ZDHHC6: variants seen among roughly 807,000 people sequenced by gnomAD.
ZDHHC6 encodes palmitoyltransferase ZDHHC6.
Under a neutral mutation model 57.8 loss-of-function variants are expected in ZDHHC6, and 32 were observed. The observed-to-expected ratio is 0.55, with a 90% CI of 0.42 to 0.74. The LOEUF (loss-of-function observed/expected upper bound fraction) is 0.74. Ranked by LOEUF, ZDHHC6 falls within the 30% of genes least tolerant of loss-of-function variation. ZDHHC6 has a pLI of 0.00. For synonymous variants in ZDHHC6, 128 were observed against 158.0 expected (o/e 0.81, Z 1.42); for missense variants, 433 against 500.7 (o/e 0.86, Z 1.29).
In ZDHHC6 at chr10:112,440,659, T is replaced by G; in HGVS notation, c.556A>C (p.Ser186Arg). 6.2e-7 allele frequency: 1 copy of G among 1,613,612 alleles called. No individual in the cohort carries two copies. Among genetic ancestry groups the G allele is most frequent in the Non-Finnish European group, 8.5e-7 (1 of 1,179,754 alleles). ...FGWNTVKIDM[S>R]AARRDPLPIV... ...GGAAGAGGATCTCTCCGGGCTGCAC[T>G]CATGTCGATCTTCACTGTGTTCCAC... Residue 186 changes from serine to arginine, a missense_variant, in exon 5 of 11, where the codon AGT (serine) becomes CGT (arginine). By Grantham distance (110) the Ser-to-Arg change is moderately radical (BLOSUM62 -1). Coordinates refer to ENST00000369405, the MANE Select transcript of ZDHHC6 (RefSeq NM_022494.3).
chr10:112,429,227 C>CT (rs1308388699), downstream of ZDHHC6, among the ~76,000 whole-genome samples: 1 of 152,224 alleles, frequency 6.6e-6, no homozygotes, highest in East Asian at 1.9e-4. Flanking sequence ...CCCATTATCA[C>CT]TTTAACTTTC....
chr10:112,447,561 C>G (rs1029016483), upstream of ZDHHC6: 1 of 1,416,720 alleles, frequency 7.1e-7, no homozygotes. Context: ...CTATGAGGCG[C>G]GAGGCTGGAG....
In ZDHHC6 at chr10:112,434,360, C is replaced by T. The variant is rs1589725738; in HGVS notation, c.840G>A (p.Gly280=). Residue 280 remains glycine, a synonymous_variant, in exon 7 of 11, where the codon GGG becomes GGA. Coordinates refer to ENST00000369405, the MANE Select transcript of ZDHHC6 (RefSeq NM_022494.3). The stretch of plus-strand genomic sequence containing the variant: ...ACTCAAGTCCATCTCCTTCAGGGAC[C>T]CCTGACCACGTAAATACCTGTTTAA... ...RNFKQVFTWS[G]VPEGDGLEWP... is the part of the protein sequence containing the mutation. 6.2e-7 allele frequency: 1 copy of T among 1,613,834 alleles called. No individual in the cohort carries two copies. Among genetic ancestry groups the T allele is most frequent in the Admixed American group, 1.7e-5 (1 of 59,998 alleles).
chr10:112,435,898 G>C (rs1405894427), intron 6 of ZDHHC6, among the ~76,000 whole-genome samples: 1 of 152,160 alleles, frequency 6.6e-6, no homozygotes, highest in African/African-American at 2.4e-5. Context: ...GTGTTAAAAG[G>C]TGATGAAGGG....
chr10:112,431,348 C>T (rs1302110129), intron 10 of ZDHHC6, among the ~76,000 whole-genome samples: 1 of 150,860 alleles, frequency 6.6e-6, no homozygotes, highest in East Asian at 1.9e-4. Flanking sequence ...GAGTCTTGCT[C>T]TGTCACCTAG....
At chr10:112,431,878 C>G (rs1021440222) in intron 10 of ZDHHC6, among the ~76,000 whole-genome samples, 2 of 152,180 alleles carry the variant, frequency 1.3e-5, no homozygotes, top group African/African-American at 4.8e-5. Flanking sequence ...CTAGCTCCAT[C>G]TGTTTTCAGT....
chr10:112,445,149 G>A (rs368824521), intron 2 of ZDHHC6, 21 bp downstream of exon 2: 1 of 1,603,816 alleles, frequency 6.2e-7, no homozygotes, highest in African/African-American at 1.3e-5. Context: ...AAAGTTCATT[G>A]TCTTACAGAA....
rs1846176735 is a variant in ZDHHC6 at position 112,442,173 on chromosome 10, C to T, written c.519+19G>A. 1.3e-6 allele frequency: 2 copies of T among 1,585,932 alleles called. No homozygotes were observed. The highest frequency in any genetic ancestry group is 1.4e-5 in the African/African-American group (1 of 73,816). ...TTGCATGGATGATTTTATAACAAAA[C>T]ATTTTCATTTTCACTTACCCGATGA... On this transcript the variant is annotated intron_variant, in intron 4 of 10. Transcript: ENST00000369405.
At position 112,433,399 on chromosome 10, in the gene ZDHHC6, G is replaced by A. The variant is rs1038372954; in HGVS notation, c.904-118C>T. On this transcript the variant is annotated intron_variant, in intron 7 of 10. Transcript: ENST00000369405. ...AAACCCCAATTTTCCAGCATTTCAA[G>A]TTGCTGATAATTTAAAGGCCACAGG... 2.7e-5 allele frequency: 21 copies of A among 782,886 alleles called. No individual in the cohort carries two copies. In the African/African-American group the frequency reaches 3.8e-4, roughly 14 times the overall value. The allele number at this position is 782,886 out of a possible 1,614,324, so 48.5% of individuals were successfully genotyped here.
In ZDHHC6 at chr10:112,440,524, AG is replaced by A; in HGVS notation, c.681+9del. On this transcript the variant is annotated intron_variant, in intron 5 of 10. Transcript: ENST00000369405. Reference sequence around the variant, plus strand: ...TGACACTTTTGACTTGAGGTAATTGAGATGCTTACCTGGATAAAAAACAACA... The same window carrying A: ...TGACACTTTTGACTTGAGGTAATTGAATGCTTACCTGGATAAAAAACAACA... 6.2e-7 allele frequency: 1 copy of A among 1,611,022 alleles called. No homozygotes were observed. Among genetic ancestry groups the A allele is most frequent in the East Asian group, 2.2e-5 (1 of 44,820 alleles).
intron 2 of ZDHHC6, 105 bp downstream of exon 2, chr10:112,445,065 G>A (rs1846513903): frequency 1.5e-6 from 2 of 1,317,590 alleles, no homozygotes; most frequent in Non-Finnish European, 2.1e-6. Flanking sequence ...TAGTCTCTGT[G>A]AGGACAAACA....
intron 5 of ZDHHC6, among the ~76,000 whole-genome samples, chr10:112,439,321 G>A (rs1207708835): frequency 6.6e-6 from 1 of 152,100 alleles, no homozygotes; most frequent in East Asian, 1.9e-4. Context: ...TGAATTACGT[G>A]AATGCAATAA....
At chr10:112,425,916 C>T (rs111935064), downstream of ZDHHC6, among the ~76,000 whole-genome samples, 1,427 of 152,274 alleles carry the variant, frequency 9.4e-3, 17 homozygotes, top group African/African-American at 0.033. Context: ...CTTTAAGGAA[C>T]TCCTTATCCC....
Position 112,445,324 on chromosome 10 carries a change from G to C in ZDHHC6, c.113C>G (p.Ala38Gly). ...ATACCACAACACAGAGTCAATCATG[G>C]CCATGGTAGAACATATTGCTATAAC... ...LGVIAICSTM[A>G]MIDSVLWYWP... The change falls in exon 2 of 11, where the codon GCC becomes GGC. Residue 38 changes from alanine to glycine, a missense_variant. Coordinates refer to ENST00000369405, the MANE Select transcript of ZDHHC6 (RefSeq NM_022494.3). 6.2e-7 allele frequency: 1 copy of C among 1,614,174 alleles called. No homozygotes were observed. The highest frequency in any genetic ancestry group is 8.5e-7 in the Non-Finnish European group (1 of 1,180,040).
At chr10:112,439,669 A>AAAAAAAAAAT (rs757796332) in intron 5 of ZDHHC6, among the ~76,000 whole-genome samples, 25 of 108,562 alleles carry the variant, frequency 2.3e-4, no homozygotes, top group Non-Finnish European at 3.1e-4. Context: ...AAAAAAAAAA[A>AAAAAAAAAAT]GAATGAAAAA....
At chr10:112,425,670 A>G (rs1564746256), downstream of ZDHHC6, 1 of 500,510 alleles carries the variant, frequency 2.0e-6, no homozygotes, top group East Asian at 3.4e-5. Flanking sequence ...TTTCAAAACT[A>G]TGATGGACGT....
intron 2 of ZDHHC6, among the ~76,000 whole-genome samples, chr10:112,444,345 A>G (rs759371752): frequency 5.1e-4 from 77 of 152,184 alleles, no homozygotes; most frequent in African/African-American, 1.7e-3. Flanking sequence ...CAGGTCCCCA[A>G]CTAACAATGC....
Position 112,445,877 on chromosome 10 carries a change from G to C in ZDHHC6, c.-214-227C>G, listed in dbSNP as rs533808693. On this transcript the variant is annotated intron_variant, in intron 1 of 10. Coordinates refer to ENST00000369405, the MANE Select transcript of ZDHHC6 (RefSeq NM_022494.3). ...AAACTGGATACACGATTCCAAAATA[G>C]TTTTTTTTATTCCTTCTCCGCTTGT... Among the ~76,000 whole-genome samples, 31 of 152,300 alleles carry C rather than the reference G, an allele frequency of 2.0e-4. No homozygotes were observed. In the South Asian group the frequency reaches 6.0e-3, roughly 29 times the overall value.
intron 5 of ZDHHC6, among the ~76,000 whole-genome samples, chr10:112,438,608 C>T (rs1845774273): frequency 6.6e-6 from 1 of 151,958 alleles, no homozygotes; most frequent in Non-Finnish European, 1.5e-5. Context: ...ACAATGATTA[C>T]ACCCATCCAT....
Sources: gnomAD v4.1 joint callset for allele counts (sites outside exome capture counted in the v4.1 genomes callset) on GRCh38, gnomAD v4.1.1 for gene constraint, MANE v1.5 for transcripts, NCBI Gene and HGNC (gene_info 2026-07-23, HGNC 2026-07-21) for gene names.